Variants in BTBD8 observed in about 807,000 individuals in gnomAD.
The protein encoded by BTBD8 is BTB domain containing 8, also known as BTB/POZ domain-containing protein 8.
A neutral mutation model predicts 162.9 loss-of-function variants in BTBD8; 110 were observed. That is an observed-to-expected ratio of 0.68 (90% CI 0.58 to 0.79). BTBD8 has a LOEUF of 0.79. Ranked by LOEUF, BTBD8 falls within the 30% of genes least tolerant of loss-of-function variation. The probability of loss-of-function intolerance (pLI) is 0.00; values close to 1 mark genes in which losing one functional copy is unlikely to be tolerated. For synonymous variants in BTBD8, 667 were observed against 716.1 expected (o/e 0.93, Z 1.10); for missense variants, 1,905 against 2,085.4 (o/e 0.91, Z 1.68).
At chr1:92,107,452 T>C (rs1648762663) in intron 3 of BTBD8, among the ~76,000 whole-genome samples, 1 of 152,190 alleles carries the variant, frequency 6.6e-6, no homozygotes, top group Non-Finnish European at 1.5e-5. Context: ...CTTACCATTG[T>C]GTTACAGTTG....
intron 5 of BTBD8, 89 bp downstream of exon 5, chr1:92,129,865 G>T (rs1649467809): frequency 1.9e-6 from 2 of 1,073,504 alleles, no homozygotes; most frequent in African/African-American, 1.6e-5. Flanking sequence ...GATTTCCCTG[G>T]ATGTTCAAGG....
At chr1:92,161,442 C>T (rs1387120776) in intron 9 of BTBD8, among the ~76,000 whole-genome samples, 1 of 152,028 alleles carries the variant, frequency 6.6e-6, no homozygotes, top group Non-Finnish European at 1.5e-5. Flanking sequence ...AAATTTTTAC[C>T]CTTCTTTGTC....
intron 13 of BTBD8, among the ~76,000 whole-genome samples, chr1:92,172,743 A>G (rs537160463): frequency 3.2e-4 from 48 of 152,348 alleles, no homozygotes; most frequent in Non-Finnish European, 5.3e-4. Context: ...TGCAGCTCCA[A>G]GCCACAACTG....
intron 9 of BTBD8, among the ~76,000 whole-genome samples, chr1:92,163,844 T>G (rs567459971): frequency 1.2e-3 from 182 of 152,332 alleles, no homozygotes; most frequent in African/African-American, 4.0e-3. Flanking sequence ...TCTATGTTAT[T>G]TAACTATGTC....
chr1:92,145,719 C>T (rs1175862983), intron 7 of BTBD8, among the ~76,000 whole-genome samples: 4 of 152,158 alleles, frequency 2.6e-5, no homozygotes, highest in South Asian at 4.1e-4. Context: ...TGGTGGCTCA[C>T]GCCTGTAATC....
Position 92,128,052 on chromosome 1 carries a change from C to T in BTBD8, c.663-1635C>T, listed in dbSNP as rs186546237. Among the ~76,000 whole-genome samples, 339 of 152,206 alleles carry T rather than the reference C, an allele frequency of 2.2e-3. 4 individuals carry two copies. Among genetic ancestry groups the T allele is most frequent in the African/African-American group, 7.2e-3 (301 of 41,518 alleles). On this transcript the variant is annotated intron_variant, in intron 4 of 17. Transcript: ENST00000636805. The stretch of plus-strand genomic sequence containing the variant: ...TAAAAAGTGAACTTATGTTTTGAGT[C>T]TGAACTGTATTTCAATATTTTCTAG...
In BTBD8 at chr1:92,088,771, G is replaced by T; in HGVS notation, c.223G>T (p.Val75Phe). 1 of 1,613,152 alleles carries T rather than the reference G, an allele frequency of 6.2e-7. No homozygotes were observed. Among genetic ancestry groups the T allele is most frequent in the South Asian group, 1.1e-5 (1 of 91,004 alleles). The change falls in exon 2 of 18, where the codon GTC (valine) becomes TTC (phenylalanine). Residue 75 changes from valine (V) to phenylalanine (F), a missense_variant. Val to Phe is a conservative substitution (Grantham distance 50). This residue lies in a region of BTBD8 where 1,374 missense variants were observed against 1,442.7 expected (regional missense o/e 0.95). Coordinates refer to ENST00000636805, the MANE Select transcript of BTBD8 (RefSeq NM_001376131.1). ...TACTTTGTTCAAAGCACACAAAGCA[G>T]TCCTTTTAGCAAGAGTTCCTGACTT... ...GCTLFKAHKA[V>F]LLARVPDFYF...
chr1:92,132,322 T>C (rs1474117760), intron 5 of BTBD8, among the ~76,000 whole-genome samples: 1 of 152,006 alleles, frequency 6.6e-6, no homozygotes, highest in Non-Finnish European at 1.5e-5. Context: ...GTCCTTTTTT[T>C]TTTTTCAGTC....
At chr1:92,081,808 A>C (rs560407764) in intron 1 of BTBD8, among the ~76,000 whole-genome samples, 1 of 152,326 alleles carries the variant, frequency 6.6e-6, no homozygotes, top group East Asian at 1.9e-4. Flanking sequence ...TCGTGACCAC[A>C]AGTGATCCGC....
chr1:92,163,354 C>CAAAAAA (rs34760395), intron 9 of BTBD8, among the ~76,000 whole-genome samples: 1 of 20,408 alleles, frequency 4.9e-5, no homozygotes, highest in Admixed American at 9.3e-4. Context: ...GATTCTGTCT[C>CAAAAAA]AAAAAAAAAA....
At chr1:92,105,087 C>G (rs958124982) in intron 3 of BTBD8, among the ~76,000 whole-genome samples, 3 of 152,028 alleles carry the variant, frequency 2.0e-5, no homozygotes, top group African/African-American at 7.2e-5. Flanking sequence ...CACCTGCCAC[C>G]ACGCCTGGCT....
At chr1:92,173,997 G>A (rs1296303642) in intron 13 of BTBD8, among the ~76,000 whole-genome samples, 1 of 151,976 alleles carries the variant, frequency 6.6e-6, no homozygotes, top group Non-Finnish European at 1.5e-5. Flanking sequence ...CCTTCATAGA[G>A]CGATTTAAGA....
At position 92,176,542 on chromosome 1, in the gene BTBD8, T is replaced by G. The variant is rs112573302; in HGVS notation, c.1636-287T>G. On this transcript the variant is annotated intron_variant, in intron 13 of 17. Coordinates refer to ENST00000636805, the MANE Select transcript of BTBD8 (RefSeq NM_001376131.1). ...GAATCTTTATAGACATTAATCTCTA[T>G]CAAAACTTCATACATTAAAAAAGCC... Among the ~76,000 whole-genome samples, 796 of 152,316 alleles carry G rather than the reference T, an allele frequency of 5.2e-3. 2 individuals are homozygous for G. The highest frequency in any genetic ancestry group is 0.018 in the African/African-American group (761 of 41,564).
chr1:92,167,731 A>G lies in BTBD8; in HGVS notation c.1306-117A>G, dbSNP rs1038405063. On this transcript the variant is annotated intron_variant, in intron 10 of 17. Coordinates refer to ENST00000636805, the MANE Select transcript of BTBD8 (RefSeq NM_001376131.1). Reference sequence around the variant, plus strand: ...GCGAATTTTTTAACAAAGGGAAAAAATACGATTTCTGGTTGACTTCATACA... The same window carrying G: ...GCGAATTTTTTAACAAAGGGAAAAAGTACGATTTCTGGTTGACTTCATACA... 56 of 776,514 alleles carry G rather than the reference A, an allele frequency of 7.2e-5. 1 individual carries two copies. 48.1% of individuals were successfully genotyped at this position (776,514 alleles called of 1,614,324 possible).
At chr1:92,156,592 CTT>C (rs1375653483) in intron 9 of BTBD8, among the ~76,000 whole-genome samples, 1 of 152,084 alleles carries the variant, frequency 6.6e-6, no homozygotes, top group Non-Finnish European at 1.5e-5. Flanking sequence ...TGATGGGAGA[CTT>C]TTTATTACAG....
intron 3 of BTBD8, among the ~76,000 whole-genome samples, chr1:92,104,296 C>T (rs188450552): frequency 6.8e-4 from 103 of 152,274 alleles, no homozygotes; most frequent in Non-Finnish European, 9.0e-4. Flanking sequence ...TGGTTAGATT[C>T]CTGTTATATT....
intron 9 of BTBD8, among the ~76,000 whole-genome samples, chr1:92,164,824 G>A (rs140352102): frequency 0.057 from 8,645 of 151,706 alleles, 349 homozygotes; most frequent in Admixed American, 0.11. Flanking sequence ...ACCACGCCCA[G>A]CTAATTTTTT....
Position 92,182,123 on chromosome 1 carries a change from T to C in BTBD8, c.4440T>C (p.His1480=). The part of the protein sequence containing the change: ...DVFDGISHEH[H]GRTCYSRFSR... ...TTGATGGCATTTCTCATGAACATCA[T>C]GGAAGGACCTGCTATTCCAGATTCT... The change falls in exon 17 of 18, where the codon CAT becomes CAC. Residue 1480 remains histidine (H), a synonymous_variant. Transcript: ENST00000636805. 1 of 1,551,472 alleles carries C rather than the reference T, an allele frequency of 6.4e-7. No individual in the cohort carries two copies. The highest frequency in any genetic ancestry group is 8.7e-7 in the Non-Finnish European group (1 of 1,146,870).
chr1:92,119,038 G>A (rs35265609), intron 4 of BTBD8, among the ~76,000 whole-genome samples: 7,087 of 151,172 alleles, frequency 0.047, 246 homozygotes, highest in Non-Finnish European at 0.068. Context: ...AGTTGCTTTC[G>A]GTGAGTCATT....
Sources: gnomAD v4.1 joint callset for allele counts (sites outside exome capture counted in the v4.1 genomes callset) on GRCh38, gnomAD v4.1.1 for gene constraint, gnomAD v4.1.1 regional missense constraint, MANE v1.5 for transcripts, NCBI Gene and HGNC (gene_info 2026-07-23, HGNC 2026-07-21) for gene names.